DNAH5: variants seen among roughly 807,000 people sequenced by gnomAD.
The protein encoded by DNAH5 is axonemal beta dynein heavy chain 5.
Under a neutral mutation model 518.2 loss-of-function variants are expected in DNAH5, and 372 were observed. That is an observed-to-expected ratio of 0.72 (90% CI 0.66 to 0.78). The LOEUF (loss-of-function observed/expected upper bound fraction) is 0.78. DNAH5 is among the 30% of genes least tolerant of loss of function. The pLI is 0.00. For synonymous variants in DNAH5, 2,039 were observed against 2,025.9 expected, an observed-to-expected ratio of 1.01 and a Z score of -0.17; for missense variants, 5,523 against 5,687.0, an observed-to-expected ratio of 0.97 and a Z score of 0.93.
chr5:13,921,473 T>TCA (rs1366178016), intron 5 of DNAH5, among the ~76,000 whole-genome samples: 47 of 57,814 alleles, frequency 8.1e-4, no homozygotes, highest in African/African-American at 3.0e-3. Flanking sequence ...TCTATCTCTC[T>TCA]CTCACACACA....
intron 65 of DNAH5, 137 bp downstream of exon 65, chr5:13,750,941 T>C (rs1030001993): frequency 1.0e-6 from 1 of 970,994 alleles, no homozygotes; most frequent in Non-Finnish European, 1.6e-6. Context: ...AAGAAAACAC[T>C]TGGAGATTAA....
chr5:13,797,773 T>C (rs1758051497), intron 47 of DNAH5, among the ~76,000 whole-genome samples: 1 of 152,164 alleles, frequency 6.6e-6, no homozygotes, highest in Non-Finnish European at 1.5e-5. Flanking sequence ...ACTGCAGCAC[T>C]ATTCACAATA....
chr5:13,766,920 A>G (rs1183837843), intron 58 of DNAH5, among the ~76,000 whole-genome samples: 1 of 152,192 alleles, frequency 6.6e-6, no homozygotes, highest in Non-Finnish European at 1.5e-5. Flanking sequence ...GACAAATAGT[A>G]TATATTCCTT....
intron 1 of DNAH5, among the ~76,000 whole-genome samples, chr5:13,965,718 G>A (rs147225099): frequency 6.8e-4 from 103 of 152,244 alleles, no homozygotes; most frequent in African/African-American, 2.4e-3. Flanking sequence ...AAATATATTC[G>A]AAAATGTCCT....
intron 78 of DNAH5, among the ~76,000 whole-genome samples, chr5:13,699,690 G>A (rs1049692968): frequency 1.3e-5 from 2 of 152,112 alleles, no homozygotes; most frequent in Admixed American, 6.5e-5. Context: ...CTCCAGCCTG[G>A]GTGACAGAAC....
intron 1 of DNAH5, among the ~76,000 whole-genome samples, chr5:13,964,222 A>G (rs1388083371): frequency 6.6e-6 from 1 of 152,078 alleles, no homozygotes; most frequent in Non-Finnish European, 1.5e-5. Context: ...TAGGACTCAG[A>G]GCAGACAGCC....
chr5:14,007,139 C>T (rs1252443050), intron 1 of DNAH5, among the ~76,000 whole-genome samples: 2 of 152,350 alleles, frequency 1.3e-5, no homozygotes, highest in East Asian at 3.9e-4. Flanking sequence ...GTTCCTGATA[C>T]TTAGTTGATC....
intron 56 of DNAH5, among the ~76,000 whole-genome samples, chr5:13,769,824 G>C (rs545696457): frequency 6.6e-6 from 1 of 152,302 alleles, no homozygotes; most frequent in Admixed American, 6.5e-5. Flanking sequence ...CCACGTGCAA[G>C]AACAGCGAAC....
chr5:13,716,399 A>T, intron 74 of DNAH5, 88 bp downstream of exon 74: 1 of 922,652 alleles, frequency 1.1e-6, no homozygotes, highest in South Asian at 1.4e-5. Context: ...AATGTATTGT[A>T]AAAGCAATAT....
At chr5:13,982,963 A>G (rs1782792802) in intron 1 of DNAH5, among the ~76,000 whole-genome samples, 1 of 152,220 alleles carries the variant, frequency 6.6e-6, no homozygotes, top group Non-Finnish European at 1.5e-5. Context: ...ATTTCCCAAA[A>G]GGGGCATATC....
chr5:13,721,493 G>A (rs887524885), intron 70 of DNAH5, among the ~76,000 whole-genome samples: 2 of 152,060 alleles, frequency 1.3e-5, no homozygotes, highest in African/African-American at 4.8e-5. Flanking sequence ...TATGACTCCT[G>A]GTTTGAAACC....
intron 69 of DNAH5, 131 bp from the exon 70 acceptor site, chr5:13,727,787 AT>A: frequency 9.8e-7 from 1 of 1,019,986 alleles, no homozygotes; most frequent in Non-Finnish European, 1.5e-6. Context: ...CTATTTTTTT[AT>A]TTTATATTAT....
At chr5:13,793,834 T>C in intron 48 of DNAH5, 102 bp downstream of exon 48, 1 of 1,552,510 alleles carries the variant, frequency 6.4e-7, no homozygotes, top group Non-Finnish European at 8.8e-7. Flanking sequence ...TCAGAAATTA[T>C]ATCTTGAAAA....
chr5:13,886,112 A>G lies in DNAH5; in HGVS notation c.2595T>C (p.Gly865=). Residue 865 remains glycine (G), a synonymous_variant, in exon 18 of 79, where the codon GGT becomes GGC. Coordinates refer to ENST00000265104, the MANE Select transcript of DNAH5 (RefSeq NM_001369.3). ...LQMTKDLCVN[G]AQILHFKSSL... ...AGCTTTTAAAATGTAGTATTTGTGC[A>G]CCATTTACACAAAGATCCTAACCAA... is the stretch of plus-strand genomic sequence containing the variant. 1 of 1,579,370 alleles carries G rather than the reference A, an allele frequency of 6.3e-7. No homozygotes were observed. The highest frequency in any genetic ancestry group is 8.6e-7 in the Non-Finnish European group (1 of 1,165,158).
rs1163681555 is a variant in DNAH5, at chr5:13,700,831, A to G, written c.13532T>C (p.Met4511Thr). 1.2e-6 allele frequency: 2 copies of G among 1,614,054 alleles called. No individual in the cohort carries two copies. Among genetic ancestry groups the G allele is most frequent in the Non-Finnish European group, 1.7e-6 (2 of 1,180,008 alleles). ...TTTGGTGACTTCATTGCAAAGCACC[A>G]TATTGTCCAGAGCCCAGCCTTTGTT... ...RANKGWALDN[M>T]VLCNEVTKWM... The change falls in exon 78 of 79, where the codon ATG (methionine) becomes ACG (threonine). Residue 4511 changes from methionine (M) to threonine (T), a missense_variant. Transcript: ENST00000265104.
At chr5:13,972,806 A>G (rs1295694090) in intron 1 of DNAH5, among the ~76,000 whole-genome samples, 1 of 152,182 alleles carries the variant, frequency 6.6e-6, no homozygotes, top group Non-Finnish European at 1.5e-5. Context: ...GAGTCTCCAC[A>G]TGCTGCTCTG....
intron 18 of DNAH5, among the ~76,000 whole-genome samples, 184 bp downstream of exon 18, chr5:13,885,780 A>G (rs1396975614): frequency 6.6e-6 from 1 of 152,244 alleles, no homozygotes; most frequent in African/African-American, 2.4e-5. Context: ...CAAAAATAGT[A>G]GGAATTAACA....
At chr5:13,696,043 C>T (rs529435524) in intron 78 of DNAH5, among the ~76,000 whole-genome samples, 5 of 152,238 alleles carry the variant, frequency 3.3e-5, no homozygotes, top group East Asian at 1.9e-4. Flanking sequence ...TCACCACATA[C>T]GGCTATCCCC....
intron 72 of DNAH5, 128 bp from the exon 73 acceptor site, chr5:13,717,648 C>T (rs1453496978): frequency 2.4e-6 from 2 of 828,368 alleles, no homozygotes; most frequent in East Asian, 2.7e-5. Flanking sequence ...GTTTTTATGA[C>T]ACTCATGTGA....
Sources: allele counts gnomAD v4.1 joint callset (sites outside exome capture counted in the v4.1 genomes callset), GRCh38; gene constraint gnomAD v4.1.1; transcripts MANE v1.5; gene names NCBI Gene and HGNC (gene_info 2026-07-23, HGNC 2026-07-21).